ADAM29: variants seen among roughly 807,000 people sequenced by gnomAD.
The protein encoded by ADAM29 is disintegrin and metalloproteinase domain-containing protein 29.
For missense variants in ADAM29, 969 were observed against 1,001.8 expected, an observed-to-expected ratio of 0.97 and a Z score of 0.44; for synonymous variants, 367 against 342.3, an observed-to-expected ratio of 1.07 and a Z score of -0.80.
In ADAM29 at chr4:174,977,690, A is replaced by T. The variant is rs1746939991; in HGVS notation, c.2165A>T (p.Gln722Leu). Residue 722 changes from glutamine to leucine, a missense_variant, in exon 5 of 5, where the codon CAG (glutamine) becomes CTG (leucine). Transcript: ENST00000359240. Reference protein sequence around the residue: ...TPSAKEEEKIQRRPHELPPQS... With the variant: ...TPSAKEEEKILRRPHELPPQS... ...TCTGCAAAAGAAGAGGAAAAAATTC[A>T]GCGTCGACCTCATGAGTTACCTCCC... is the stretch of plus-strand genomic sequence containing the variant. 15 of 1,614,158 alleles carry T rather than the reference A, an allele frequency of 9.3e-6. No individual in the cohort carries two copies. The East Asian group carries it at 3.3e-4, about 36-fold the overall frequency.
chr4:174,957,665 AATAG>A (rs1336120791), intron 4 of ADAM29, among the ~76,000 whole-genome samples: 5 of 151,802 alleles, frequency 3.3e-5, no homozygotes, highest in Admixed American at 6.6e-5. Flanking sequence ...TAATATTTTT[AATAG>A]ATAGAGGGCT....
intron 4 of ADAM29, among the ~76,000 whole-genome samples, chr4:174,947,350 T>C (rs1479416599): frequency 2.0e-5 from 3 of 152,114 alleles, no homozygotes; most frequent in African/African-American, 7.2e-5. Context: ...TGGTTGTCAA[T>C]TTGAGATCTA....
chr4:174,950,328 C>T (rs1356306454), intron 4 of ADAM29, among the ~76,000 whole-genome samples: 1 of 152,150 alleles, frequency 6.6e-6, no homozygotes, highest in African/African-American at 2.4e-5. Flanking sequence ...CCAACTAAAG[C>T]ATTCAACACT....
Position 174,976,483 on chromosome 4 carries a change from A to G in ADAM29, c.958A>G (p.Asn320Asp). 6.2e-7 allele frequency: 1 copy of G among 1,611,746 alleles called. No individual in the cohort carries two copies. Among genetic ancestry groups the G allele is most frequent in the South Asian group, 1.1e-5 (1 of 90,594 alleles). ...HRSCAIVTFM[N>D]KTLGTFSIAV... The stretch of plus-strand genomic sequence containing the variant: ...TAGTTGTGCAATTGTTACTTTCATG[A>G]ACAAAACTTTGGGCACTTTTTCAAT... The change falls in exon 5 of 5, where the codon AAC becomes GAC. Residue 320 changes from asparagine (N) to aspartate (D), a missense_variant. Asn to Asp is a conservative substitution (Grantham distance 23). Transcript: ENST00000359240.
chr4:174,953,143 G>A (rs908000448), intron 4 of ADAM29, among the ~76,000 whole-genome samples: 6 of 152,010 alleles, frequency 3.9e-5, no homozygotes, highest in South Asian at 2.1e-4. Flanking sequence ...AAAATTAGCC[G>A]GGCGTGGTGG....
At chr4:174,967,240 A>G (rs1160958820) in intron 4 of ADAM29, among the ~76,000 whole-genome samples, 1 of 152,178 alleles carries the variant, frequency 6.6e-6, no homozygotes, top group East Asian at 1.9e-4. Flanking sequence ...TTATTCTCTC[A>G]ACATTCTAAT....
chr4:174,927,870 T>G (rs978936529), intron 2 of ADAM29, among the ~76,000 whole-genome samples: 2 of 152,148 alleles, frequency 1.3e-5, no homozygotes, highest in African/African-American at 4.8e-5. Context: ...TGATTCCTCT[T>G]GCTGGTGGAA....
chr4:174,963,999 C>T (rs1339320133), intron 4 of ADAM29, among the ~76,000 whole-genome samples: 2 of 151,582 alleles, frequency 1.3e-5, no homozygotes, highest in African/African-American at 4.9e-5. Flanking sequence ...ATAGTTTGAT[C>T]TTATTTATAC....
chr4:174,939,655 A>G (rs576733357), intron 4 of ADAM29, among the ~76,000 whole-genome samples: 2 of 152,324 alleles, frequency 1.3e-5, no homozygotes, highest in South Asian at 2.1e-4. Context: ...ACGTTCATCA[A>G]TTGTTCACAT....
At chr4:174,934,600 T>C (rs991951479) in intron 3 of ADAM29, among the ~76,000 whole-genome samples, 5 of 152,216 alleles carry the variant, frequency 3.3e-5, no homozygotes, top group African/African-American at 1.2e-4. Context: ...CTTTTTCAAT[T>C]CATCTTATTA....
At chr4:174,957,561 C>A (rs1745573985) in intron 4 of ADAM29, among the ~76,000 whole-genome samples, 1 of 151,620 alleles carries the variant, frequency 6.6e-6, no homozygotes, top group Non-Finnish European at 1.5e-5. Context: ...TAAAGAAATC[C>A]TAGTAAGTTC....
intron 4 of ADAM29, among the ~76,000 whole-genome samples, chr4:174,944,286 T>TA (rs1744711588): frequency 6.6e-6 from 1 of 151,804 alleles, no homozygotes; most frequent in Non-Finnish European, 1.5e-5. Context: ...TTTCAAGAAA[T>TA]AAAAACTAAG....
At chr4:174,921,079 A>G (rs12512467) in intron 2 of ADAM29, among the ~76,000 whole-genome samples, 66,643 of 151,912 alleles carry the variant, frequency 0.44, 15,330 homozygotes, top group East Asian at 0.69. Flanking sequence ...TTGGTTCTAC[A>G]GTAAGAAAAC....
At chr4:174,960,274 A>G (rs1745733610) in intron 4 of ADAM29, among the ~76,000 whole-genome samples, 1 of 152,086 alleles carries the variant, frequency 6.6e-6, no homozygotes, top group Non-Finnish European at 1.5e-5. Flanking sequence ...AATTTTTTTC[A>G]TCACTTTTTA....
Position 174,929,478 on chromosome 4 carries a change from G to T in ADAM29, c.-450-1508G>T, listed in dbSNP as rs530398925. Among the ~76,000 whole-genome samples, 7 of 152,164 alleles carry T rather than the reference G, an allele frequency of 4.6e-5. No homozygotes were observed. In the Middle Eastern group the frequency reaches 0.01, roughly 222 times the overall value. ...TTTGAGGAGTGAAAAAAATGGAAAA[G>T]GGGGGAAACACAGACTCTCCACAAA... On this transcript the variant is annotated intron_variant, in intron 2 of 4. Coordinates refer to ENST00000359240, the MANE Select transcript of ADAM29 (RefSeq NM_014269.4).
intron 2 of ADAM29, among the ~76,000 whole-genome samples, chr4:174,927,104 A>G (rs190353123): frequency 1.6e-4 from 25 of 152,328 alleles, no homozygotes; most frequent in Admixed American, 1.3e-3. Context: ...GAAATACTCA[A>G]AATACCAAGT....
chr4:174,961,422 A>G (rs1745815381), intron 4 of ADAM29, among the ~76,000 whole-genome samples: 1 of 151,902 alleles, frequency 6.6e-6, no homozygotes, highest in South Asian at 2.1e-4. Context: ...GACTCATTAT[A>G]AGGAAGTAAG....
chr4:174,950,767 A>G (rs1368464542), intron 4 of ADAM29, among the ~76,000 whole-genome samples: 1 of 152,118 alleles, frequency 6.6e-6, no homozygotes, highest in Non-Finnish European at 1.5e-5. Context: ...GTGTTGAAGG[A>G]AGGGCCTGGT....
intron 4 of ADAM29, among the ~76,000 whole-genome samples, chr4:174,942,257 C>G (rs886677672): frequency 1.3e-5 from 2 of 152,204 alleles, no homozygotes; most frequent in African/African-American, 4.8e-5. Context: ...TGGTGGCCCT[C>G]TTCTTACTGC....
Sources: gnomAD v4.1 joint callset for allele counts (sites outside exome capture counted in the v4.1 genomes callset) on GRCh38, gnomAD v4.1.1 for gene constraint, MANE v1.5 for transcripts, NCBI Gene and HGNC (gene_info 2026-07-23, HGNC 2026-07-21) for gene names.